The following BZW2 variants were observed in gnomAD, a reference collection of about 807,000 sequenced individuals.
BZW2 encodes the protein basic leucine zipper and W2 domains 2.
Under a neutral mutation model 53.2 loss-of-function variants are expected in BZW2, and 23 were observed. The ratio of observed to expected loss-of-function variants is 0.43; its 90% CI spans 0.31 to 0.61. The LOEUF is 0.61. BZW2 is among the 20% of genes least tolerant of loss of function. The pLI is 0.09. For synonymous variants in BZW2, 227 were observed against 186.4 expected (o/e 1.22, Z -1.77); for missense variants, 409 against 503.1 (o/e 0.81, Z 1.79).
At chr7:16,658,426 C>T (rs1482272789) in intron 1 of BZW2, among the ~76,000 whole-genome samples, 1 of 151,974 alleles carries the variant, frequency 6.6e-6, no homozygotes, top group Non-Finnish European at 1.5e-5. Context: ...GCATTTACAA[C>T]TTAGGTCTTC....
At position 16,672,605 on chromosome 7, in the gene BZW2, C is replaced by T. The variant is rs148667661; in HGVS notation, c.59-1807C>T. 2.0e-5 allele frequency among the ~76,000 whole-genome samples: 3 copies of T among 152,224 alleles called. No homozygotes were observed. The East Asian group carries it at 5.8e-4, about 29-fold the overall frequency. On this transcript the variant is annotated intron_variant, in intron 2 of 11. Transcript: ENST00000258761. Reference sequence around the variant, plus strand: ...TCCTTTGCTCCTCTCTCCTCACATCCAGACTTATTCTCCATGGGTTTGGAA... The same window carrying T: ...TCCTTTGCTCCTCTCTCCTCACATCTAGACTTATTCTCCATGGGTTTGGAA...
intron 2 of BZW2, 86 bp downstream of exon 2, chr7:16,665,587 C>G (rs1249122911): frequency 2.3e-5 from 36 of 1,553,708 alleles, no homozygotes; most frequent in Middle Eastern, 3.3e-4. Flanking sequence ...CCCTGTTTCC[C>G]CCAGCCTCAC....
intron 1 of BZW2, among the ~76,000 whole-genome samples, chr7:16,655,972 CT>C (rs1297317252): frequency 6.6e-6 from 1 of 151,546 alleles, no homozygotes; most frequent in Non-Finnish European, 1.5e-5. Context: ...AAATAAGATA[CT>C]TTTCTTACAG....
intron 11 of BZW2, among the ~76,000 whole-genome samples, 184 bp downstream of exon 11, chr7:16,704,853 A>G (rs1280195628): frequency 6.6e-6 from 1 of 152,258 alleles, no homozygotes; most frequent in African/African-American, 2.4e-5. Flanking sequence ...AAAAATCTCT[A>G]CATGTAAAAA....
chr7:16,667,031 C>G (rs1263432235), intron 2 of BZW2, among the ~76,000 whole-genome samples: 2 of 151,996 alleles, frequency 1.3e-5, no homozygotes, highest in Admixed American at 6.6e-5. Context: ...GCCTGTAATC[C>G]CAACACTTTG....
At chr7:16,696,808 G>A (rs1783505817) in intron 8 of BZW2, 107 bp from the exon 9 acceptor site, 1 of 1,106,522 alleles carries the variant, frequency 9.0e-7, no homozygotes, top group Admixed American at 2.0e-5. Flanking sequence ...AAGCTAAGCA[G>A]ATTGTTTCTT....
Position 16,685,206 on chromosome 7 carries a change from T to C in BZW2, c.406-699T>C, listed in dbSNP as rs143625116. 5.6e-4 allele frequency among the ~76,000 whole-genome samples: 85 copies of C among 152,316 alleles called. 1 individual carries two copies. The highest frequency in any genetic ancestry group is 2.0e-3 in the African/African-American group (82 of 41,570). ...GAAGTGGGTTTTTCGTTTTATTTGC[T>C]TTGAGCTTACATTCAAATTTTCTAG... is the stretch of plus-strand genomic sequence containing the variant. On this transcript the variant is annotated intron_variant, in intron 5 of 11. Transcript: ENST00000258761.
At chr7:16,692,224 A>T (rs1220849981) in intron 7 of BZW2, among the ~76,000 whole-genome samples, 1 of 151,826 alleles carries the variant, frequency 6.6e-6, no homozygotes, top group African/African-American at 2.4e-5. Context: ...AGGTGAGGGG[A>T]TGGGAGAAGC....
chr7:16,661,749 A>G (rs1782269181), intron 1 of BZW2, among the ~76,000 whole-genome samples: 1 of 152,094 alleles, frequency 6.6e-6, no homozygotes, highest in African/African-American at 2.4e-5. Context: ...ACCATTTCAC[A>G]TACAATTTTA....
intron 1 of BZW2, among the ~76,000 whole-genome samples, chr7:16,650,288 AT>A (rs1781952662): frequency 6.6e-6 from 1 of 152,172 alleles, no homozygotes; most frequent in African/African-American, 2.4e-5. Flanking sequence ...TGAAAAGAAA[AT>A]TCTGAAGAAG....
intron 7 of BZW2, among the ~76,000 whole-genome samples, chr7:16,691,850 CAT>C (rs750073681): frequency 5.9e-5 from 9 of 151,974 alleles, no homozygotes; most frequent in Non-Finnish European, 1.2e-4. Flanking sequence ...TTTGGAAACA[CAT>C]GTCATTTAGC....
At chr7:16,656,896 C>T (rs1035855009) in intron 1 of BZW2, among the ~76,000 whole-genome samples, 1 of 152,112 alleles carries the variant, frequency 6.6e-6, no homozygotes, top group Admixed American at 6.5e-5. Flanking sequence ...TGGAATTGTC[C>T]TCAAGATGGC....
intron 11 of BZW2, among the ~76,000 whole-genome samples, chr7:16,705,202 C>CA (rs1204892870): frequency 6.6e-6 from 1 of 151,658 alleles, no homozygotes; most frequent in Non-Finnish European, 1.5e-5. Flanking sequence ...ATTAAAAACA[C>CA]AAAAAAATTA....
At chr7:16,656,209 A>G (rs1394760763) in intron 1 of BZW2, among the ~76,000 whole-genome samples, 2 of 151,640 alleles carry the variant, frequency 1.3e-5, no homozygotes, top group East Asian at 1.9e-4. Flanking sequence ...GCATTTAGCA[A>G]TGCACCTTTA....
chr7:16,682,014 T>C (rs1036314393), intron 4 of BZW2, among the ~76,000 whole-genome samples: 2 of 152,202 alleles, frequency 1.3e-5, no homozygotes, highest in African/African-American at 4.8e-5. Context: ...TTTCTTTTTC[T>C]TATTGTGTGT....
At chr7:16,698,909 G>C (rs80297066) in intron 10 of BZW2, among the ~76,000 whole-genome samples, 1 of 152,074 alleles carries the variant, frequency 6.6e-6, no homozygotes, top group Admixed American at 6.5e-5. Flanking sequence ...ATGTTATTAT[G>C]TTCATAAATA....
At chr7:16,683,642 T>G (rs936879616) in intron 5 of BZW2, among the ~76,000 whole-genome samples, 5 of 152,234 alleles carry the variant, frequency 3.3e-5, no homozygotes, top group African/African-American at 7.2e-5. Flanking sequence ...CACAGTAGCA[T>G]CTCCTTAAAG....
Position 16,694,917 on chromosome 7 carries a change from C to T in BZW2, c.735C>T (p.Phe245=). The part of the protein sequence containing the change: ...TDAGLKELSD[F]LRVQQSLGTR... ...CAGGTCTTAAGGAGCTTTCCGACTT[C>T]CTCCGAGTCCAGCAGTCCCTGGGCA... Residue 245 remains phenylalanine, a synonymous_variant, in exon 8 of 12, where the codon TTC becomes TTT. Coordinates refer to ENST00000258761, the MANE Select transcript of BZW2 (RefSeq NM_014038.3). 7 of 1,596,902 alleles carry T rather than the reference C, an allele frequency of 4.4e-6. No individual in the cohort carries two copies. The highest frequency in any genetic ancestry group is 5.1e-6 in the Non-Finnish European group (6 of 1,166,630).
intron 10 of BZW2, among the ~76,000 whole-genome samples, chr7:16,700,247 T>C (rs144367197): frequency 6.6e-6 from 1 of 152,344 alleles, no homozygotes; most frequent in African/African-American, 2.4e-5. Context: ...AATGATTCCA[T>C]GTTTTCTCTG....
Sources: gnomAD v4.1 joint callset for allele counts (sites outside exome capture counted in the v4.1 genomes callset) on GRCh38, gnomAD v4.1.1 for gene constraint, MANE v1.5 for transcripts, NCBI Gene and HGNC (gene_info 2026-07-23, HGNC 2026-07-21) for gene names.